ZMYND11: variants seen among roughly 807,000 people sequenced by gnomAD.
ZMYND11 encodes zinc finger MYND-type containing 11.
ZMYND11 carries 9 observed loss-of-function variants against 84.9 expected under a neutral mutation model. The observed-to-expected ratio is 0.11, with a 90% CI of 0.06 to 0.18. The LOEUF is 0.18. Among genes scored for constraint, ZMYND11 ranks in the 10% least tolerant of loss-of-function variants. The probability of loss-of-function intolerance (pLI) is 1.00; values close to 1 mark genes in which losing one functional copy is unlikely to be tolerated. For missense variants in ZMYND11, 409 were observed against 761.0 expected (o/e 0.54, Z 5.44); for synonymous variants, 250 against 244.1 (o/e 1.02, Z -0.23).
chr10:146,146 C>T (rs1418270935), intron 1 of ZMYND11, among the ~76,000 whole-genome samples: 1 of 152,100 alleles, frequency 6.6e-6, no homozygotes, highest in Non-Finnish European at 1.5e-5. Context: ...TGTCCTTTCC[C>T]CAATTTTGTT....
rs531056319 is a variant in ZMYND11, at chr10:228,452, G to A, written c.438+7096G>A. ...CAACTTAATGTAGATTAAATGGAAA[G>A]CTCACTCAGTGTTTCCAAAGTTCAT... On this transcript the variant is annotated intron_variant, in intron 4 of 14. Coordinates refer to ENST00000381604, the MANE Select transcript of ZMYND11 (RefSeq NM_001370100.5). Among the ~76,000 whole-genome samples, 6 of 152,328 alleles carry A rather than the reference G, an allele frequency of 3.9e-5. No homozygotes were observed. The South Asian group carries it at 1.2e-3, about 32-fold the overall frequency.
chr10:157,242 C>G (rs979235801), intron 1 of ZMYND11, among the ~76,000 whole-genome samples: 8 of 152,128 alleles, frequency 5.3e-5, no homozygotes, highest in Admixed American at 2.0e-4. Flanking sequence ...CTCTGTCGCC[C>G]AGGCTGGAAT....
intron 10 of ZMYND11, among the ~76,000 whole-genome samples, chr10:243,682 A>G (rs544195719): frequency 6.6e-6 from 1 of 152,254 alleles, no homozygotes; most frequent in East Asian, 1.9e-4. Context: ...TGGATAACAC[A>G]GTGAAACCCC....
chr10:172,926 TCA>T (rs1845693141), intron 1 of ZMYND11, among the ~76,000 whole-genome samples: 1 of 151,712 alleles, frequency 6.6e-6, no homozygotes, highest in African/African-American at 2.4e-5. Context: ...CCAGAAATAC[TCA>T]CATAAATACA....
chr10:176,307 A>C (rs1554766929), intron 1 of ZMYND11, among the ~76,000 whole-genome samples: 1 of 152,024 alleles, frequency 6.6e-6, no homozygotes, highest in Admixed American at 6.6e-5. Flanking sequence ...CTTCTTGAGA[A>C]TCATGGTCTA....
upstream of ZMYND11, among the ~76,000 whole-genome samples, chr10:130,402 G>A (rs891967321): frequency 3.3e-5 from 5 of 152,192 alleles, no homozygotes; most frequent in Non-Finnish European, 7.3e-5. Flanking sequence ...GGACGTGGTA[G>A]AAGGGGAGCT....
intron 1 of ZMYND11, among the ~76,000 whole-genome samples, chr10:150,948 G>A (rs1033818320): frequency 5.3e-5 from 8 of 152,176 alleles, no homozygotes; most frequent in Non-Finnish European, 1.0e-4. Context: ...CTGATACCCA[G>A]GCAAACAGGG....
upstream of ZMYND11, among the ~76,000 whole-genome samples, chr10:133,523 T>C (rs1232567281): frequency 1.3e-5 from 2 of 152,178 alleles, no homozygotes; most frequent in Admixed American, 6.5e-5. Flanking sequence ...AAAGTATAAC[T>C]GGGAAAAAAA....
chr10:194,276 G>A (rs1039297729), intron 2 of ZMYND11, among the ~76,000 whole-genome samples: 3 of 149,274 alleles, frequency 2.0e-5, no homozygotes, highest in Admixed American at 6.7e-5. Flanking sequence ...GGCTGGTCTC[G>A]AACTCCTGGG....
chr10:236,307 C>T (rs971379043), intron 4 of ZMYND11, among the ~76,000 whole-genome samples: 7 of 152,220 alleles, frequency 4.6e-5, no homozygotes, highest in Admixed American at 3.9e-4. Flanking sequence ...AATTAGCTTG[C>T]AGGCTAGACT....
intron 2 of ZMYND11, among the ~76,000 whole-genome samples, chr10:190,030 C>T (rs947651816): frequency 6.6e-6 from 1 of 152,176 alleles, no homozygotes; most frequent in Admixed American, 6.5e-5. Flanking sequence ...GTTAGACCAG[C>T]AGGGTCTTTA....
chr10:190,373 T>C (rs548988111), intron 2 of ZMYND11, among the ~76,000 whole-genome samples: 1 of 152,258 alleles, frequency 6.6e-6, no homozygotes, highest in East Asian at 1.9e-4. Context: ...TGTCTCGCCC[T>C]GCCTCTTCTG....
chr10:166,526 C>T (rs1395619360), intron 1 of ZMYND11, among the ~76,000 whole-genome samples: 2 of 151,784 alleles, frequency 1.3e-5, no homozygotes, highest in East Asian at 1.9e-4. Context: ...AAATTCAGGT[C>T]AAAACCCCAA....
intron 10 of ZMYND11, among the ~76,000 whole-genome samples, chr10:242,995 A>G (rs1951349483): frequency 2.5e-5 from 1 of 39,610 alleles, no homozygotes; most frequent in African/African-American, 4.8e-5. Flanking sequence ...TTTTAATTAC[A>G]TTAAGTGGTA....
At chr10:239,151 C>T (rs2131727990) in intron 6 of ZMYND11, among the ~76,000 whole-genome samples, 1 of 152,344 alleles carries the variant, frequency 6.6e-6, no homozygotes, top group East Asian at 1.9e-4. Flanking sequence ...CAGCTTTCTA[C>T]ATTATTGTCA....
intron 8 of ZMYND11, among the ~76,000 whole-genome samples, chr10:240,527 TATTTTC>T (rs993234599): frequency 1.3e-5 from 2 of 152,118 alleles, no homozygotes; most frequent in African/African-American, 4.8e-5. Context: ...AAAGGTCTTT[TATTTTC>T]ATGTTTGACA....
chr10:251,868 CTG>C (rs1953557200), intron 14 of ZMYND11, among the ~76,000 whole-genome samples: 2 of 151,530 alleles, frequency 1.3e-5, no homozygotes, highest in Admixed American at 6.6e-5. Flanking sequence ...AAGATGAAGA[CTG>C]AGACTTGGCC....
At chr10:138,857 T>C (rs1554753148) in intron 1 of ZMYND11, among the ~76,000 whole-genome samples, 1 of 152,238 alleles carries the variant, frequency 6.6e-6, no homozygotes, top group Non-Finnish European at 1.5e-5. Flanking sequence ...TTTTTCTTTT[T>C]TTGAGACACT....
chr10:188,130 CT>C (rs984357238), intron 2 of ZMYND11, among the ~76,000 whole-genome samples: 1 of 152,028 alleles, frequency 6.6e-6, no homozygotes, highest in African/African-American at 2.4e-5. Flanking sequence ...TCATAATAAA[CT>C]TTTGAAAGTT....
Sources: allele counts gnomAD v4.1 joint callset (sites outside exome capture counted in the v4.1 genomes callset), GRCh38; gene constraint gnomAD v4.1.1; transcripts MANE v1.5; gene names NCBI Gene and HGNC (gene_info 2026-07-23, HGNC 2026-07-21).